The following DIP2C variants were observed in gnomAD, a reference collection of about 807,000 sequenced individuals.
The protein encoded by DIP2C is DIP2 acetate--CoA ligase C (putative).
Under a neutral mutation model 192.4 loss-of-function variants are expected in DIP2C, and 33 were observed. The ratio of observed to expected loss-of-function variants is 0.17; its 90% CI spans 0.13 to 0.23. The LOEUF (loss-of-function observed/expected upper bound fraction) is 0.23, where lower values mean the gene tolerates loss of function less well. Ranked by LOEUF, DIP2C falls within the 10% of genes least tolerant of loss-of-function variation. The probability of loss-of-function intolerance (pLI) is 1.00; values close to 1 mark genes in which losing one functional copy is unlikely to be tolerated. For synonymous variants in DIP2C, 979 were observed against 864.1 expected, an observed-to-expected ratio of 1.13 and a Z score of -2.33; for missense variants, 1,537 against 2,110.1, an observed-to-expected ratio of 0.73 and a Z score of 5.32.
intron 8 of DIP2C, among the ~76,000 whole-genome samples, chr10:411,382 C>T (rs539568255): frequency 5.3e-5 from 8 of 152,288 alleles, no homozygotes; most frequent in South Asian, 4.2e-4. Context: ...TGAAATGCCA[C>T]GGGTAGTCTA....
chr10:327,947 G>C (rs1452055909), intron 30 of DIP2C, among the ~76,000 whole-genome samples: 2 of 152,272 alleles, frequency 1.3e-5, no homozygotes, highest in East Asian at 3.9e-4. Flanking sequence ...CACTACCTGG[G>C]CCGAGCAGAG....
At chr10:613,324 G>A (rs187223288) in intron 1 of DIP2C, among the ~76,000 whole-genome samples, 2 of 152,312 alleles carry the variant, frequency 1.3e-5, no homozygotes, top group East Asian at 1.9e-4. Context: ...AGCTAGAGCC[G>A]ATCACAGTGC....
intron 1 of DIP2C, among the ~76,000 whole-genome samples, chr10:637,720 T>C (rs905771891): frequency 4.6e-5 from 7 of 152,216 alleles, no homozygotes; most frequent in African/African-American, 1.7e-4. Flanking sequence ...CATTTTTGCT[T>C]CTACAAAGTC....
chr10:413,843 G>C (rs775937600), intron 8 of DIP2C, 70 bp downstream of exon 8: 67 of 1,554,308 alleles, frequency 4.3e-5, no homozygotes, highest in Non-Finnish European at 5.3e-5. Flanking sequence ...AACGGACACT[G>C]AGTTTCCTGC....
At chr10:330,812 A>AT (rs56343363) in intron 29 of DIP2C, among the ~76,000 whole-genome samples, 121,499 of 133,462 alleles carry the variant, frequency 0.91, 55,765 homozygotes, top group South Asian at 0.97. Flanking sequence ...AACCTACACA[A>AT]TTTTTTTTTT....
At chr10:627,424 G>T (rs1275092930) in intron 1 of DIP2C, among the ~76,000 whole-genome samples, 1 of 152,204 alleles carries the variant, frequency 6.6e-6, no homozygotes, top group Non-Finnish European at 1.5e-5. Context: ...AACAAAGTAG[G>T]GTTTTGTTAC....
intron 1 of DIP2C, among the ~76,000 whole-genome samples, chr10:580,695 A>C (rs1167720694): frequency 1.3e-5 from 2 of 152,230 alleles, no homozygotes; most frequent in Non-Finnish European, 2.9e-5. Flanking sequence ...CAGGCCATGA[A>C]TATTAACGCT....
intron 1 of DIP2C, among the ~76,000 whole-genome samples, chr10:527,555 AT>A (rs1312932238): frequency 1.3e-5 from 2 of 152,246 alleles, no homozygotes; most frequent in Non-Finnish European, 2.9e-5. Flanking sequence ...CTTCCACCAA[AT>A]GGAACCGATT....
rs1855999055 is a variant in DIP2C at position 652,499 on chromosome 10, C to G, written c.85+36995G>C. The stretch of plus-strand genomic sequence containing the variant: ...GACACCGGGCTGCCCCTCCTCCGCC[C>G]ACAGCCTCAGGCCACCTGTCTCATC... On this transcript the variant is annotated intron_variant, in intron 1 of 36. Transcript: ENST00000280886. The surrounding 1 kb of genome is among the most constrained non-coding windows in gnomAD (Gnocchi z 4.5). The G allele has an allele frequency of 6.4e-6, 1 of 155,370 alleles. No homozygotes were observed. The allele number at this position is 155,370 out of a possible 1,614,324, so 9.6% of individuals were successfully genotyped here. A position where few individuals can be genotyped will look rare whatever the true frequency, so the allele number is the denominator to read the frequency against.
intron 2 of DIP2C, among the ~76,000 whole-genome samples, chr10:480,715 A>G (rs979836990): frequency 6.6e-6 from 1 of 152,218 alleles, no homozygotes; most frequent in African/African-American, 2.4e-5. Context: ...GATTCATTAA[A>G]TGTTGCTGAA....
intron 4 of DIP2C, among the ~76,000 whole-genome samples, chr10:429,905 G>C (rs1222210333): frequency 1.3e-5 from 2 of 152,172 alleles, no homozygotes; most frequent in African/African-American, 2.4e-5. Flanking sequence ...ATGCCAAGGA[G>C]TGTAATTCCT....
intron 1 of DIP2C, among the ~76,000 whole-genome samples, chr10:558,245 A>G (rs971160341): frequency 2.6e-5 from 4 of 152,154 alleles, no homozygotes; most frequent in African/African-American, 9.7e-5. Flanking sequence ...TTACTTTGCT[A>G]GAGAAAGAAA....
intron 31 of DIP2C, among the ~76,000 whole-genome samples, chr10:326,275 T>C (rs913507979): frequency 2.6e-5 from 4 of 152,182 alleles, no homozygotes; most frequent in African/African-American, 9.7e-5. Flanking sequence ...TTCCCTCCTC[T>C]GACCTAGTGG....
chr10:406,927 AG>A (rs1316839650), intron 9 of DIP2C, among the ~76,000 whole-genome samples: 3 of 152,054 alleles, frequency 2.0e-5, no homozygotes, highest in Non-Finnish European at 4.4e-5. Context: ...GAACCCACCC[AG>A]GAACAGAAGA....
At chr10:467,535 AAAATAAAT>A (rs374191853) in intron 3 of DIP2C, among the ~76,000 whole-genome samples, 131 of 34,294 alleles carry the variant, frequency 3.8e-3, no homozygotes, top group Non-Finnish European at 0.025. Flanking sequence ...GTATAAAAAA[AAAATAAAT>A]AAAATAAAAA....
chr10:564,462 A>T (rs577521500), intron 1 of DIP2C, among the ~76,000 whole-genome samples: 1 of 152,168 alleles, frequency 6.6e-6, no homozygotes, highest in Non-Finnish European at 1.5e-5. Flanking sequence ...TATTTTCTCC[A>T]GGGACAGGGG....
chr10:393,778 C>CAAAAAAAAAAAAAAAA, intron 10 of DIP2C, among the ~76,000 whole-genome samples: 1 of 66,542 alleles, frequency 1.5e-5, no homozygotes, highest in South Asian at 6.4e-4. Context: ...GACTCCGTCT[C>CAAAAAAAAAAAAAAAA]AAAAAAAAAA....
intron 4 of DIP2C, among the ~76,000 whole-genome samples, chr10:428,817 G>C (rs1966756571): frequency 6.6e-6 from 1 of 151,896 alleles, no homozygotes; most frequent in South Asian, 2.1e-4. Flanking sequence ...TGGTTTCTCT[G>C]GTCTTCACTT....
chr10:658,114 C>T (rs1243531502), intron 1 of DIP2C, among the ~76,000 whole-genome samples: 6 of 148,776 alleles, frequency 4.0e-5, no homozygotes, highest in Admixed American at 1.3e-4. Flanking sequence ...CCTGGACCTG[C>T]CCCTGGACCT....
Sources: allele counts gnomAD v4.1 joint callset (sites outside exome capture counted in the v4.1 genomes callset), GRCh38; gene constraint gnomAD v4.1.1; non-coding constraint Gnocchi (gnomAD v3.1); transcripts MANE v1.5; gene names NCBI Gene and HGNC (gene_info 2026-07-23, HGNC 2026-07-21).